DEPDC5: variants seen among roughly 807,000 people sequenced by gnomAD.
The protein encoded by DEPDC5 is GATOR1 complex protein DEPDC5.
DEPDC5 carries 73 observed loss-of-function variants against 217.3 expected under a neutral mutation model. The ratio of observed to expected loss-of-function variants is 0.34; its 90% CI spans 0.28 to 0.41. DEPDC5 has a LOEUF of 0.41. Among genes scored for constraint, DEPDC5 ranks in the 10% least tolerant of loss-of-function variants. The pLI, the probability that DEPDC5 is intolerant of heterozygous loss-of-function variation, is 1.00. For synonymous variants in DEPDC5, 733 were observed against 756.7 expected (o/e 0.97, Z 0.51); for missense variants, 1,675 against 2,070.1 (o/e 0.81, Z 3.70).
intron 41 of DEPDC5, among the ~76,000 whole-genome samples, chr22:31,902,426 ATATATATATACT>A (rs1569244329): frequency 7.0e-6 from 1 of 142,134 alleles, no homozygotes; most frequent in Non-Finnish European, 1.5e-5. Context: ...ATATATATAT[ATATATATATACT>A]TATATATACT....
rs184571082 is a variant in DEPDC5, at chr22:31,837,846, C to T, written c.2354+691C>T. On this transcript the variant is annotated intron_variant, in intron 26 of 42. Transcript: ENST00000651528. Reference sequence around the variant, plus strand: ...CCTCCTGAGTAGCTGGGACTACAGGCGTGTGCCACCACACATGGCTAATTT... The same window carrying T: ...CCTCCTGAGTAGCTGGGACTACAGGTGTGTGCCACCACACATGGCTAATTT... Among the ~76,000 whole-genome samples the T allele has an allele frequency of 8.8e-3, 1,346 of 152,112 alleles. 17 individuals carry two copies. The highest frequency in any genetic ancestry group is 0.014 in the Middle Eastern group (4 of 294).
intron 7 of DEPDC5, chr22:31,769,745 A>G (rs946864326): frequency 6.6e-6 from 1 of 151,212 alleles, no homozygotes; most frequent in African/African-American, 2.4e-5. Flanking sequence ...ACATAGTGAG[A>G]CCCCATTTCT....
At chr22:31,823,635 G>A (rs1341994865) in intron 24 of DEPDC5, among the ~76,000 whole-genome samples, 1 of 152,088 alleles carries the variant, frequency 6.6e-6, no homozygotes, top group African/African-American at 2.4e-5. Flanking sequence ...CAGTGCGGGT[G>A]GGGGAAGCAG....
rs149457003 is a variant in DEPDC5, at chr22:31,809,127, A to G, written c.1288-484A>G. Among the ~76,000 whole-genome samples, 689 of 152,274 alleles carry G rather than the reference A, an allele frequency of 4.5e-3. 7 individuals are homozygous for G. The South Asian group carries it at 0.046, about 10-fold the overall frequency. On this transcript the variant is annotated intron_variant, in intron 18 of 42. Transcript: ENST00000651528. The stretch of plus-strand genomic sequence containing the variant: ...AGAAAATGTAAAAAGTGATAGCTCT[A>G]TTAGTTTTTTTTCCTCTACCCTTGT...
intron 38 of DEPDC5, among the ~76,000 whole-genome samples, chr22:31,887,141 G>A (rs572414706): frequency 3.4e-5 from 5 of 145,386 alleles, no homozygotes; most frequent in South Asian, 2.2e-4. Flanking sequence ...GTCATAGGCC[G>A]GGCATGTTGG....
intron 34 of DEPDC5, 143 bp downstream of exon 34, chr22:31,870,887 T>C (rs1448511203): frequency 1.1e-6 from 1 of 881,124 alleles, no homozygotes; most frequent in East Asian, 3.1e-5. Context: ...AGTTAGTCCT[T>C]AACCACATCT....
intron 13 of DEPDC5, among the ~76,000 whole-genome samples, chr22:31,797,949 G>A (rs1209724494): frequency 2.7e-5 from 4 of 149,122 alleles, no homozygotes; most frequent in African/African-American, 9.9e-5. Context: ...TTTTGAGACA[G>A]AGTCTCACTC....
rs113285259 is a variant in DEPDC5, at chr22:31,899,390, C to CT, written c.4375+1747dup. 2.6e-3 allele frequency among the ~76,000 whole-genome samples: 381 copies of CT among 149,312 alleles called. 2 individuals carry two copies. Among genetic ancestry groups the CT allele is most frequent in the Non-Finnish European group, 3.3e-3 (222 of 67,058 alleles). On this transcript the variant is annotated intron_variant, in intron 40 of 42. Transcript: ENST00000651528. Reference sequence around the variant, plus strand: ...GCCAAAGTCTTTTTTGCTTTTTGCCCTTTTTTTTTTCTTTTTGTGACGTAG... The same window carrying CT: ...GCCAAAGTCTTTTTTGCTTTTTGCCCTTTTTTTTTTTCTTTTTGTGACGTAG...
intron 2 of DEPDC5, among the ~76,000 whole-genome samples, chr22:31,756,352 T>C (rs1001559785): frequency 2.0e-5 from 3 of 152,228 alleles, no homozygotes; most frequent in African/African-American, 7.2e-5. Flanking sequence ...AGTGTTAGAC[T>C]CTGTGCTCAA....
rs136874 is a variant in DEPDC5, at chr22:31,889,541, CTTTTTTTTTTTTT to C, written c.4034-4028_4034-4016del. Among the ~76,000 whole-genome samples, 674 of 99,610 alleles carry C rather than the reference CTTTTTTTTTTTTT, an allele frequency of 6.8e-3. 4 individuals carry two copies. Among genetic ancestry groups the C allele is most frequent in the Non-Finnish European group, 9.4e-3 (461 of 49,280 alleles). The allele number at this position is 99,610 out of a possible 152,430, so 65.3% of individuals were successfully genotyped here. A position where few individuals can be genotyped will look rare whatever the true frequency, so the allele number is the denominator to read the frequency against. On this transcript the variant is annotated intron_variant, in intron 38 of 42. Coordinates refer to ENST00000651528, the MANE Select transcript of DEPDC5 (RefSeq NM_001242896.3). ...TGTCCAAGACCAGAGGGCAAAACTTCTTTTTTTTTTTTTTTTTTTTTTTTTCCAGACAGAGTCT... is the reference window on the plus strand; with the variant it reads ...TGTCCAAGACCAGAGGGCAAAACTTCTTTTTTTTTTTTCCAGACAGAGTCT...
intron 38 of DEPDC5, chr22:31,891,172 A>G (rs534873572): frequency 7.6e-6 from 4 of 529,518 alleles, no homozygotes; most frequent in South Asian, 6.8e-5. Flanking sequence ...TCCTTCTTTA[A>G]ACTGTCAAGT....
At chr22:31,888,988 A>G (rs1442678354) in intron 38 of DEPDC5, among the ~76,000 whole-genome samples, 5 of 152,050 alleles carry the variant, frequency 3.3e-5, no homozygotes, top group Non-Finnish European at 7.4e-5. Context: ...CCCCCTCAAC[A>G]TGGCACTCAC....
At chr22:31,755,673 T>C (rs932020401) in intron 2 of DEPDC5, among the ~76,000 whole-genome samples, 2 of 151,894 alleles carry the variant, frequency 1.3e-5, no homozygotes, top group African/African-American at 4.8e-5. Flanking sequence ...ACCTCCCTAA[T>C]AGTTGGGATT....
chr22:31,836,772 T>C, intron 25 of DEPDC5, 200 bp from the exon 26 acceptor site: 1 of 583,502 alleles, frequency 1.7e-6, no homozygotes, highest in Non-Finnish European at 3.0e-6. Flanking sequence ...TGGATAAGCA[T>C]GTGCACTGCA....
chr22:31,896,384 G>A (rs1428936511), intron 39 of DEPDC5, among the ~76,000 whole-genome samples: 2 of 152,192 alleles, frequency 1.3e-5, no homozygotes, highest in Non-Finnish European at 2.9e-5. Flanking sequence ...TGAACATTCC[G>A]TGAGAGAAAA....
rs900718571 is a variant in DEPDC5 at position 31,822,701 on chromosome 22, A to G, written c.2015A>G (p.Asn672Ser). ...AYHEAAGRHS[N>S]SRQPGDGMSF... ...GGCTCTGTTCTCTGCAGGCACAGCA[A>G]TTCCCGCCAGCCTGGTGACGGCATG... The change falls in exon 24 of 43, where the codon AAT (asparagine) becomes AGT (serine). Residue 672 changes from asparagine (N) to serine (S), a missense_variant. By Grantham distance (46) the Asn-to-Ser change is conservative (BLOSUM62 1). Transcript: ENST00000651528. The G allele has an allele frequency of 9.9e-6, 16 of 1,613,990 alleles. No individual in the cohort carries two copies. The highest frequency in any genetic ancestry group is 2.7e-5 in the African/African-American group (2 of 74,944).
At chr22:31,866,290 A>T (rs2092687135) in intron 33 of DEPDC5, among the ~76,000 whole-genome samples, 1 of 151,852 alleles carries the variant, frequency 6.6e-6, no homozygotes. Context: ...ATTTTTTTCA[A>T]TTAATGTCTT....
intron 27 of DEPDC5, among the ~76,000 whole-genome samples, chr22:31,841,054 T>C (rs1252716718): frequency 2.0e-5 from 3 of 152,204 alleles, no homozygotes; most frequent in Admixed American, 6.5e-5. Context: ...GGCATTGTCT[T>C]CCCAACAGCC....
At position 31,829,276 on chromosome 22, in the gene DEPDC5, A is replaced by T. The variant is rs897094884; in HGVS notation, c.2105-4639A>T. Among the ~76,000 whole-genome samples, 4 of 152,342 alleles carry T rather than the reference A, an allele frequency of 2.6e-5. No homozygotes were observed. The South Asian group carries it at 8.3e-4, about 32-fold the overall frequency. Reference sequence around the variant, plus strand: ...GACTGGCGCGGTGTCTGACGCCTGTAATCCCAGCACTTTGGGAGGCCAAGG... The same window carrying T: ...GACTGGCGCGGTGTCTGACGCCTGTTATCCCAGCACTTTGGGAGGCCAAGG... On this transcript the variant is annotated intron_variant, in intron 24 of 42. Coordinates refer to ENST00000651528, the MANE Select transcript of DEPDC5 (RefSeq NM_001242896.3).
Sources: gnomAD v4.1 joint callset for allele counts (sites outside exome capture counted in the v4.1 genomes callset) on GRCh38, gnomAD v4.1.1 for gene constraint, MANE v1.5 for transcripts, NCBI Gene and HGNC (gene_info 2026-07-23, HGNC 2026-07-21) for gene names.